The following HEG1 variants were observed in gnomAD, a reference collection of about 807,000 sequenced individuals.
HEG1 encodes heart development protein with EGF like domains 1, also known as protein HEG homolog 1.
Under a neutral mutation model 125.6 loss-of-function variants are expected in HEG1, and 56 were observed. The observed-to-expected ratio is 0.45, with a 90% confidence interval of 0.36 to 0.56. The LOEUF is 0.56. Among genes scored for constraint, HEG1 ranks in the 20% least tolerant of loss-of-function variants. The pLI, the probability that HEG1 is intolerant of heterozygous loss-of-function variation, is 0.00. For synonymous variants in HEG1, 644 were observed against 668.5 expected (o/e 0.96, Z 0.57); for missense variants, 1,523 against 1,670.0 (o/e 0.91, Z 1.53).
intron 6 of HEG1, 59 bp from the exon 7 acceptor site, chr3:125,010,614 T>A (rs1016951683): frequency 1.0e-6 from 1 of 999,062 alleles, no homozygotes; most frequent in African/African-American, 1.6e-5. Flanking sequence ...AAGGCAGCTT[T>A]AGGTAAATAT....
chr3:124,990,669 T>C (rs1936817690), intron 14 of HEG1, 118 bp downstream of exon 14: 3 of 984,860 alleles, frequency 3.0e-6, no homozygotes, highest in South Asian at 1.5e-5. Flanking sequence ...GCCATTGGCA[T>C]AGAACCTAAG....
chr3:125,013,983 C>T lies in HEG1; in HGVS notation c.1596G>A (p.Gly532=), dbSNP rs368238384. ...SAPRGERSIA[G]ISYGQVRGTA... ...TGCCACGCACTTGACCGTAGCTAAT[C>T]CCAGCGACTGTAAACGGAAAAGCCA... is the stretch of plus-strand genomic sequence containing the variant. The change falls in exon 6 of 17, where the codon GGG becomes GGA. Residue 532 remains glycine (G), a synonymous_variant. Transcript: ENST00000311127. The T allele has an allele frequency of 6.9e-6, 11 of 1,597,846 alleles. No individual in the cohort carries two copies. The African/African-American group carries it at 1.4e-4, about 20-fold the overall frequency.
intron 14 of HEG1, among the ~76,000 whole-genome samples, chr3:124,981,328 G>C (rs764424577): frequency 9.3e-5 from 14 of 150,738 alleles, no homozygotes; most frequent in Non-Finnish European, 1.6e-4. Context: ...CTTTTCCAAG[G>C]CTCCCATGCT....
At position 124,995,261 on chromosome 3, in the gene HEG1, T is replaced by G. The variant is rs1227084277; in HGVS notation, c.3652+2428A>C. ...CTGCAGTGAGACTTGATTGCGCCAC[T>G]GCACTCCAGCCTGAGTGACAGAGCA... On this transcript the variant is annotated intron_variant, in intron 12 of 16. Coordinates refer to ENST00000311127, the MANE Select transcript of HEG1 (RefSeq NM_020733.2). 2.6e-5 allele frequency among the ~76,000 whole-genome samples: 4 copies of G among 151,464 alleles called. No homozygotes were observed. In the East Asian group the frequency reaches 7.8e-4, roughly 29 times the overall value.
intron 1 of HEG1, among the ~76,000 whole-genome samples, chr3:125,053,269 G>A (rs1937855349): frequency 6.6e-6 from 1 of 152,236 alleles, no homozygotes; most frequent in Non-Finnish European, 1.5e-5. Context: ...AGCATCTAGT[G>A]ATACAGGAGG....
At chr3:125,049,386 C>T (rs1472503744) in intron 1 of HEG1, among the ~76,000 whole-genome samples, 1 of 152,232 alleles carries the variant, frequency 6.6e-6, no homozygotes, top group African/African-American at 2.4e-5. Flanking sequence ...GGGCTGGCAT[C>T]CCTTCCTCCC....
chr3:124,975,042 T>C (rs1422564544), intron 15 of HEG1, among the ~76,000 whole-genome samples: 1 of 152,208 alleles, frequency 6.6e-6, no homozygotes, highest in Non-Finnish European at 1.5e-5. Flanking sequence ...TCAGGTTATG[T>C]CCCTCTAGGT....
chr3:125,044,384 T>C (rs548023681), intron 1 of HEG1, among the ~76,000 whole-genome samples: 6 of 150,104 alleles, frequency 4.0e-5, no homozygotes, highest in South Asian at 2.1e-4. Flanking sequence ...CAAAAAGAAA[T>C]AAAGTTAAGG....
intron 9 of HEG1, among the ~76,000 whole-genome samples, chr3:125,004,307 C>A (rs915281650): frequency 2.0e-5 from 3 of 152,176 alleles, no homozygotes; most frequent in Non-Finnish European, 4.4e-5. Flanking sequence ...GAAATCAATT[C>A]ATCTCTAAAG....
At chr3:125,048,552 G>A (rs913268676) in intron 1 of HEG1, among the ~76,000 whole-genome samples, 11 of 152,258 alleles carry the variant, frequency 7.2e-5, no homozygotes, top group African/African-American at 1.2e-4. Flanking sequence ...AGTTTGGCAT[G>A]TATTAACAAC....
intron 8 of HEG1, among the ~76,000 whole-genome samples, chr3:125,006,295 T>G (rs1937070685): frequency 6.6e-6 from 1 of 152,146 alleles, no homozygotes; most frequent in Non-Finnish European, 1.5e-5. Flanking sequence ...AAAATAAAAT[T>G]CCAGTTAACA....
chr3:124,988,966 C>A (rs1936788342), intron 14 of HEG1, among the ~76,000 whole-genome samples: 1 of 152,172 alleles, frequency 6.6e-6, no homozygotes, highest in African/African-American at 2.4e-5. Flanking sequence ...CCTCTCTACT[C>A]ATATGACTAT....
In HEG1 at chr3:124,973,863, T is replaced by C; in HGVS notation, c.3864A>G (p.Gly1288=). Residue 1288 remains glycine (G), a synonymous_variant, in exon 16 of 17, where the codon GGA becomes GGG. Transcript: ENST00000311127. The part of the protein sequence containing the change: ...NDISKLIFKS[G]DFQMSPYAEY... The stretch of plus-strand genomic sequence containing the variant: ...CAGCATACGGGGACATTTGGAAATC[T>C]CCACTTTTGAAGATGAGTTTGCTTA... 1 of 1,613,062 alleles carries C rather than the reference T, an allele frequency of 6.2e-7. No homozygotes were observed. The highest frequency in any genetic ancestry group is 8.5e-7 in the Non-Finnish European group (1 of 1,179,336).
chr3:124,981,912 ATTT>A (rs113739979), intron 14 of HEG1, among the ~76,000 whole-genome samples: 1 of 148,768 alleles, frequency 6.7e-6, no homozygotes, highest in Non-Finnish European at 1.5e-5. Flanking sequence ...ACACATACAT[ATTT>A]TTTTTTTTTC....
chr3:125,043,580 C>G (rs897038993), intron 1 of HEG1, among the ~76,000 whole-genome samples: 2 of 152,190 alleles, frequency 1.3e-5, no homozygotes, highest in African/African-American at 4.8e-5. Context: ...TTCTTTGCCC[C>G]TCTCATCCTT....
chr3:124,994,119 G>A (rs117890833), intron 12 of HEG1, among the ~76,000 whole-genome samples: 2 of 152,256 alleles, frequency 1.3e-5, no homozygotes, highest in East Asian at 1.9e-4. Flanking sequence ...AGATGGTCTC[G>A]GAATGAAGCT....
At chr3:125,024,219 T>C (rs1044196044) in intron 3 of HEG1, among the ~76,000 whole-genome samples, 5 of 152,234 alleles carry the variant, frequency 3.3e-5, no homozygotes, top group African/African-American at 1.2e-4. Context: ...TTTTCCATTA[T>C]GATTCTCAAC....
intron 1 of HEG1, among the ~76,000 whole-genome samples, chr3:125,044,578 A>G (rs1326035173): frequency 1.3e-5 from 2 of 152,180 alleles, no homozygotes; most frequent in Non-Finnish European, 2.9e-5. Flanking sequence ...TACTTTTCTG[A>G]TAAGGAAACT....
intron 1 of HEG1, among the ~76,000 whole-genome samples, chr3:125,039,327 C>T (rs1937573383): frequency 6.6e-6 from 1 of 152,180 alleles, no homozygotes; most frequent in Non-Finnish European, 1.5e-5. Flanking sequence ...CAACTCCTTG[C>T]CACCCCCCAC....
Sources: gnomAD v4.1 joint callset for allele counts (sites outside exome capture counted in the v4.1 genomes callset) on GRCh38, gnomAD v4.1.1 for gene constraint, MANE v1.5 for transcripts, NCBI Gene and HGNC (gene_info 2026-07-23, HGNC 2026-07-21) for gene names.